TEX36: variants seen among roughly 807,000 people sequenced by gnomAD.
TEX36 encodes testis expressed 36.
TEX36 carries 12 observed loss-of-function variants against 13.6 expected under a neutral mutation model. That is an observed-to-expected ratio of 0.88 (90% confidence interval 0.56 to 1.43). The LOEUF is 1.43. TEX36 is among the 40% of genes most tolerant of loss of function. TEX36 has a pLI of 0.00. For synonymous variants in TEX36, 93 were observed against 83.0 expected (o/e 1.12, Z -0.65); for missense variants, 224 against 228.3 (o/e 0.98, Z 0.12).
chr10:125,591,304 A>T (rs910105665), intron 3 of TEX36, among the ~76,000 whole-genome samples: 1 of 152,244 alleles, frequency 6.6e-6, no homozygotes, highest in Non-Finnish European at 1.5e-5. Context: ...AACTATCAAC[A>T]GGAGGGAAGA....
intron 1 of TEX36, among the ~76,000 whole-genome samples, chr10:125,681,261 A>G (rs1279403580): frequency 1.3e-5 from 2 of 152,232 alleles, no homozygotes; most frequent in African/African-American, 4.8e-5. Context: ...GAGCAGCTGT[A>G]CTAGCCTGGG....
At chr10:125,657,458 C>T (rs1846967415) in intron 3 of TEX36, among the ~76,000 whole-genome samples, 1 of 152,050 alleles carries the variant, frequency 6.6e-6, no homozygotes, top group African/African-American at 2.4e-5. Context: ...TCCAAGTCGG[C>T]TTCTAAAGAA....
intron 3 of TEX36, among the ~76,000 whole-genome samples, chr10:125,578,786 C>G (rs921047901): frequency 6.6e-6 from 1 of 152,196 alleles, no homozygotes; most frequent in African/African-American, 2.4e-5. Flanking sequence ...AGAGCAACCT[C>G]TCAAAAACCA....
chr10:125,671,702 A>C (rs1054154641), intron 1 of TEX36, among the ~76,000 whole-genome samples: 3 of 152,190 alleles, frequency 2.0e-5, no homozygotes, highest in Admixed American at 6.5e-5. Context: ...TTTCAGGAGA[A>C]ATGATACCAG....
At chr10:125,665,079 T>G (rs1847102486) in intron 1 of TEX36, among the ~76,000 whole-genome samples, 2 of 146,152 alleles carry the variant, frequency 1.4e-5, no homozygotes, top group African/African-American at 4.9e-5. Flanking sequence ...GTTTTTTGGT[T>G]GTTGTTGTTG....
chr10:125,644,891 T>TGA (rs1846744384), intron 3 of TEX36, among the ~76,000 whole-genome samples: 1 of 152,150 alleles, frequency 6.6e-6, no homozygotes, highest in South Asian at 2.1e-4. Flanking sequence ...TTGCAAAACT[T>TGA]GAGAGAGGCA....
At chr10:125,576,911 T>C (rs112477355) in intron 3 of TEX36, 18,964 of 1,535,760 alleles carry the variant, frequency 0.012, 149 homozygotes, top group Non-Finnish European at 0.015. Context: ...CCATGAGTAG[T>C]TGTGTGCTTA....
At chr10:125,629,804 AT>A (rs900045688) in intron 3 of TEX36, among the ~76,000 whole-genome samples, 16 of 151,840 alleles carry the variant, frequency 1.1e-4, no homozygotes, top group South Asian at 2.1e-4. Context: ...TCATCAGTGA[AT>A]TTTTTTTTAA....
At chr10:125,591,391 C>T (rs1036862005) in intron 3 of TEX36, among the ~76,000 whole-genome samples, 2 of 152,174 alleles carry the variant, frequency 1.3e-5, no homozygotes, top group Non-Finnish European at 2.9e-5. Flanking sequence ...TGGCTCTGCC[C>T]TTAGTAACTG....
intron 3 of TEX36, chr10:125,640,236 A>C (rs1328105793): frequency 2.0e-6 from 2 of 984,268 alleles, no homozygotes; most frequent in Admixed American, 6.1e-5. Flanking sequence ...GAGGAGAGGA[A>C]GAAGGGAAGA....
At chr10:125,663,121 C>A (rs1463579889) in intron 1 of TEX36, among the ~76,000 whole-genome samples, 1 of 152,268 alleles carries the variant, frequency 6.6e-6, no homozygotes, top group East Asian at 1.9e-4. Flanking sequence ...CCTAGGTGAG[C>A]CTGATGAGAG....
intron 3 of TEX36, among the ~76,000 whole-genome samples, chr10:125,595,612 G>C (rs1284034704): frequency 2.0e-5 from 3 of 152,114 alleles, no homozygotes; most frequent in Non-Finnish European, 4.4e-5. Flanking sequence ...ACTGCTGACT[G>C]TATGCCCCCC....
At chr10:125,611,563 G>C (rs1310766319) in intron 3 of TEX36, among the ~76,000 whole-genome samples, 1 of 152,082 alleles carries the variant, frequency 6.6e-6, no homozygotes, top group Non-Finnish European at 1.5e-5. Flanking sequence ...TTTTCAGTAG[G>C]TGCAGGTATC....
chr10:125,614,172 T>C (rs1846327127), intron 3 of TEX36, among the ~76,000 whole-genome samples: 2 of 152,368 alleles, frequency 1.3e-5, no homozygotes, highest in South Asian at 4.1e-4. Context: ...TTGCAGATTC[T>C]GGATATTAGC....
chr10:125,576,718 A>T, exon 4 of TEX36: 1 of 1,534,236 alleles, frequency 6.5e-7, no homozygotes, highest in Non-Finnish European at 8.7e-7. Flanking sequence ...GACTCTGGGG[A>T]ATGGGTGACA....
downstream of TEX36, chr10:125,655,578 A>G (rs1010713194): frequency 6.6e-5 from 46 of 692,118 alleles, no homozygotes; most frequent in East Asian, 3.3e-3. Flanking sequence ...GAGGACATAC[A>G]GGATTGGAGA....
chr10:125,635,108 A>C (rs921368491), intron 3 of TEX36, among the ~76,000 whole-genome samples: 2 of 152,198 alleles, frequency 1.3e-5, no homozygotes, highest in Admixed American at 6.5e-5. Context: ...ATCTACCAAT[A>C]GTGCATGAGA....
chr10:125,660,433 A>G (rs1847016617), intron 3 of TEX36, among the ~76,000 whole-genome samples: 1 of 152,182 alleles, frequency 6.6e-6, no homozygotes, highest in Non-Finnish European at 1.5e-5. Context: ...CCAATAGAAT[A>G]TATTATTAAA....
At chr10:125,585,528 A>G (rs1409548994) in intron 3 of TEX36, among the ~76,000 whole-genome samples, 1 of 152,090 alleles carries the variant, frequency 6.6e-6, no homozygotes, top group Non-Finnish European at 1.5e-5. Context: ...GAACTCCTCT[A>G]CCCCAAAGCT....
Sources: allele counts gnomAD v4.1 joint callset (sites outside exome capture counted in the v4.1 genomes callset), GRCh38; gene constraint gnomAD v4.1.1; transcripts MANE v1.5; gene names NCBI Gene and HGNC (gene_info 2026-07-23, HGNC 2026-07-21).